Variants in CRYZ observed in about 807,000 individuals in gnomAD.
CRYZ encodes zeta-crystallin.
In CRYZ, 35 loss-of-function variants were observed where a neutral mutation model predicts 34.1. The observed-to-expected ratio is 1.03, with a 90% CI of 0.78 to 1.36. The LOEUF is 1.36. Ranked by LOEUF, CRYZ falls within the 40% of genes most tolerant of loss-of-function variation. The pLI, the probability that CRYZ is intolerant of heterozygous loss-of-function variation, is 0.00. For missense variants in CRYZ, 403 were observed against 391.8 expected (o/e 1.03, Z -0.24); for synonymous variants, 137 against 136.5 (o/e 1.00, Z -0.03).
intron 1 of CRYZ, 50 bp from the exon 2 acceptor site, chr1:74,724,884 A>G: frequency 9.0e-7 from 1 of 1,115,032 alleles, no homozygotes; most frequent in Non-Finnish European, 1.3e-6. Context: ...CTAGGATATC[A>G]CCATGTTTTT....
intron 1 of CRYZ, among the ~76,000 whole-genome samples, chr1:74,727,458 C>CAAAAAAAAAAAAAAAAA (rs3041452): frequency 1.4e-5 from 1 of 71,920 alleles, no homozygotes; most frequent in Non-Finnish European, 2.6e-5. Flanking sequence ...CTAAAAAATA[C>CAAAAAAAAAAAAAAAAA]AAAAAAAAAA....
chr1:74,723,709 C>A (rs545216354), intron 2 of CRYZ, among the ~76,000 whole-genome samples: 3 of 152,198 alleles, frequency 2.0e-5, no homozygotes, highest in Admixed American at 1.3e-4. Context: ...CAAGCCACAT[C>A]GTGCTTTTCT....
intron 1 of CRYZ, among the ~76,000 whole-genome samples, chr1:74,725,110 C>A (rs911705871): frequency 6.6e-6 from 1 of 152,090 alleles, no homozygotes; most frequent in African/African-American, 2.4e-5. Context: ...AGCATGATAC[C>A]ATATTTAGGT....
intron 4 of CRYZ, among the ~76,000 whole-genome samples, chr1:74,718,338 A>C (rs1476584523): frequency 6.6e-6 from 1 of 152,090 alleles, no homozygotes; most frequent in Non-Finnish European, 1.5e-5. Context: ...AATCCATCCT[A>C]CACACAGCAG....
intron 1 of CRYZ, among the ~76,000 whole-genome samples, chr1:74,725,188 ACCT>A (rs1453765746): frequency 6.6e-6 from 1 of 152,138 alleles, no homozygotes; most frequent in Non-Finnish European, 1.5e-5. Flanking sequence ...AGGTAAACTG[ACCT>A]CCTTTTGTTA....
chr1:74,712,622 C>T (rs1194629740), intron 5 of CRYZ, among the ~76,000 whole-genome samples: 1 of 152,090 alleles, frequency 6.6e-6, no homozygotes, highest in Non-Finnish European at 1.5e-5. Flanking sequence ...CAAACAAATA[C>T]ATGAAACTCA....
intron 8 of CRYZ, 39 bp from the exon 9 acceptor site, chr1:74,706,496 C>G: frequency 6.5e-7 from 1 of 1,541,856 alleles, no homozygotes. Context: ...TGTAGTGAAC[C>G]GTATGATTTA....
In CRYZ at chr1:74,724,923, T is replaced by G. The variant is rs115127866; in HGVS notation, c.-13-89A>C. Reference sequence around the variant, plus strand: ...CCCTGGAGGGAGCAGATCAAACAATTTTTTCAAATAACAATTTAAATCATG... The same window carrying G: ...CCCTGGAGGGAGCAGATCAAACAATGTTTTCAAATAACAATTTAAATCATG... On this transcript the variant is annotated intron_variant, in intron 1 of 8. Coordinates refer to ENST00000340866, the MANE Select transcript of CRYZ (RefSeq NM_001889.4). 3.1e-3 allele frequency: 2,084 copies of G among 676,318 alleles called. 33 individuals carry two copies. In the African/African-American group the frequency reaches 0.034, roughly 11 times the overall value. 41.9% of individuals were successfully genotyped at this position (676,318 alleles called of 1,614,324 possible).
intron 1 of CRYZ, among the ~76,000 whole-genome samples, chr1:74,727,458 C>CAAAAAAAAA (rs3041452): frequency 0.019 from 1,331 of 71,434 alleles, no homozygotes; most frequent in East Asian, 0.047. Flanking sequence ...CTAAAAAATA[C>CAAAAAAAAA]AAAAAAAAAA....
At position 74,719,423 on chromosome 1, in the gene CRYZ, C is replaced by A. The variant is rs776979536; in HGVS notation, c.265-51G>T. The A allele has an allele frequency of 2.6e-6, 4 of 1,511,344 alleles. No homozygotes were observed. In the South Asian group the frequency reaches 4.7e-5, roughly 18 times the overall value. 93.6% of individuals were successfully genotyped at this position (1,511,344 alleles called of 1,614,324 possible). ...TGCAGGAAGACTAAACATATTATGT[C>A]AAAATAGGTATAATCCTTTATAACA... is the stretch of plus-strand genomic sequence containing the variant. On this transcript the variant is annotated intron_variant, in intron 3 of 8. Coordinates refer to ENST00000340866, the MANE Select transcript of CRYZ (RefSeq NM_001889.4).
chr1:74,714,345 GAAAATCT>G (rs1446534340), intron 5 of CRYZ, among the ~76,000 whole-genome samples: 1 of 152,098 alleles, frequency 6.6e-6, no homozygotes, highest in Non-Finnish European at 1.5e-5. Flanking sequence ...AATACAGGTG[GAAAATCT>G]AACATATTTT....
chr1:74,714,512 A>T, intron 5 of CRYZ, 67 bp downstream of exon 5: 4 of 1,438,830 alleles, frequency 2.8e-6, no homozygotes, highest in Non-Finnish European at 3.9e-6. Flanking sequence ...AAAAATGACC[A>T]AAGGAACTAT....
rs554086371 is a variant in CRYZ, at chr1:74,720,793, A to G, written c.265-1421T>C. Among the ~76,000 whole-genome samples, 11 of 152,304 alleles carry G rather than the reference A, an allele frequency of 7.2e-5. No homozygotes were observed. In the South Asian group the frequency reaches 1.9e-3, roughly 26 times the overall value. Reference sequence around the variant, plus strand: ...TTCAAACATTTACTGCGAATATACTACATAGAAAGCATTATTTCAAGTTAT... The same window carrying G: ...TTCAAACATTTACTGCGAATATACTGCATAGAAAGCATTATTTCAAGTTAT... On this transcript the variant is annotated intron_variant, in intron 3 of 8. Transcript: ENST00000340866.
rs1647189304 is a variant in CRYZ, at chr1:74,722,853, A to G, written c.264+265T>C. ...TTTCTTTCCTTACATATTTCTATTA[A>G]ATAAAAAAAATCACAGTTCATTCTG... On this transcript the variant is annotated intron_variant, in intron 3 of 8. Coordinates refer to ENST00000340866, the MANE Select transcript of CRYZ (RefSeq NM_001889.4). 2.0e-5 allele frequency among the ~76,000 whole-genome samples: 3 copies of G among 152,146 alleles called. No individual in the cohort carries two copies. The South Asian group carries it at 6.2e-4, about 31-fold the overall frequency.
Position 74,721,072 on chromosome 1 carries a change from G to A in CRYZ, c.265-1700C>T, listed in dbSNP as rs1026817281. Among the ~76,000 whole-genome samples the A allele has an allele frequency of 2.0e-5, 3 of 152,084 alleles. No homozygotes were observed. In the South Asian group the frequency reaches 6.2e-4, roughly 32 times the overall value. The stretch of plus-strand genomic sequence containing the variant: ...AACTAGAATGGGGAAGAGTCATTAC[G>A]GGTGAAGGAAACAAAGTTGGCCAAA... On this transcript the variant is annotated intron_variant, in intron 3 of 8. Transcript: ENST00000340866.
intron 3 of CRYZ, among the ~76,000 whole-genome samples, chr1:74,720,632 C>T (rs1288511426): frequency 6.6e-6 from 1 of 151,954 alleles, no homozygotes; most frequent in Non-Finnish European, 1.5e-5. Context: ...AGGATAAAGA[C>T]AAAAAAGATT....
chr1:74,719,067 G>A (rs1647116791), intron 4 of CRYZ, 142 bp downstream of exon 4: 3 of 802,748 alleles, frequency 3.7e-6, no homozygotes, highest in Admixed American at 5.5e-5. Context: ...CAAATTCACA[G>A]TTTCCATTAT....
intron 4 of CRYZ, 32 bp from the exon 5 acceptor site, chr1:74,714,662 A>C: frequency 6.2e-7 from 1 of 1,610,658 alleles, no homozygotes; most frequent in Non-Finnish European, 8.5e-7. Flanking sequence ...ACATCACCTT[A>C]TTTTTTGAAG....
At position 74,732,011 on chromosome 1, in the gene CRYZ, G is replaced by A. The variant is rs532177100; in HGVS notation, c.-14+945C>T. 1.1e-4 allele frequency among the ~76,000 whole-genome samples: 16 copies of A among 152,358 alleles called. No individual in the cohort carries two copies. The South Asian group carries it at 3.3e-3, about 32-fold the overall frequency. ...AGCTGGAGGAAGCTCCGGGAAACCT[G>A]TAATTGTGGGAATCCAAGACAAAAA... On this transcript the variant is annotated intron_variant, in intron 1 of 8. Coordinates refer to ENST00000340866, the MANE Select transcript of CRYZ (RefSeq NM_001889.4).
Sources: allele counts gnomAD v4.1 joint callset (sites outside exome capture counted in the v4.1 genomes callset), GRCh38; gene constraint gnomAD v4.1.1; transcripts MANE v1.5; gene names NCBI Gene and HGNC (gene_info 2026-07-23, HGNC 2026-07-21).